The following EPM2A variants were observed in gnomAD, a reference collection of about 807,000 sequenced individuals.
EPM2A encodes EPM2A glucan phosphatase, laforin, also known as laforin.
A neutral mutation model predicts 26.5 loss-of-function variants in EPM2A; 21 were observed. The observed-to-expected ratio is 0.79, with a 90% CI of 0.56 to 1.14. EPM2A has a LOEUF of 1.14. Among genes scored for constraint, EPM2A ranks in the 50% most tolerant of loss-of-function variants. EPM2A has a pLI of 0.00. For missense variants in EPM2A, 458 were observed against 440.8 expected (o/e 1.04, Z -0.35); for synonymous variants, 217 against 177.6 (o/e 1.22, Z -1.76).
rs200812319 is a variant in EPM2A, at chr6:145,676,611, C to CA, written c.476+9510dup. On this transcript the variant is annotated intron_variant, in intron 2 of 3. Transcript: ENST00000367519. ...ATAAAGAAGATATCACCACCGATCCCAAAAAAATACAAACTACCATCAGAG... is the reference window on the plus strand; with the variant it reads ...ATAAAGAAGATATCACCACCGATCCCAAAAAAAATACAAACTACCATCAGAG... Among the ~76,000 whole-genome samples the CA allele has an allele frequency of 4.0e-3, 614 of 152,090 alleles. 16 individuals are homozygous for CA. In the East Asian group the frequency reaches 0.068, roughly 17 times the overall value.
intron 4 of EPM2A, among the ~76,000 whole-genome samples, chr6:145,393,164 T>C (rs1218114505): frequency 1.3e-5 from 2 of 152,122 alleles, no homozygotes; most frequent in Admixed American, 6.5e-5. Flanking sequence ...CTAAAAGGCC[T>C]CATGAATTGG....
At chr6:145,488,789 A>G (rs1779713005) in intron 4 of EPM2A, among the ~76,000 whole-genome samples, 3 of 152,090 alleles carry the variant, frequency 2.0e-5, no homozygotes, top group African/African-American at 7.2e-5. Context: ...TCTGGTAGTA[A>G]AATACTAGTG....
In EPM2A at chr6:145,509,985, A is replaced by G. The variant is rs147612413; in HGVS notation, c.341-7410T>C. On this transcript the variant is annotated intron_variant, in intron 2 of 3. Coordinates refer to the EPM2A transcript ENST00000450221. ...AAACCAAAAACAGTGAAAAAGGACAAAAAAGGGCATTACATAACAATAAAG... is the reference window on the plus strand; with the variant it reads ...AAACCAAAAACAGTGAAAAAGGACAGAAAAGGGCATTACATAACAATAAAG... Among the ~76,000 whole-genome samples, 215 of 152,268 alleles carry G rather than the reference A, an allele frequency of 1.4e-3. 1 individual carries two copies. The highest frequency in any genetic ancestry group is 4.8e-3 in the African/African-American group (201 of 41,564).
chr6:145,541,149 C>T (rs2114794311), intron 2 of EPM2A, among the ~76,000 whole-genome samples: 1 of 148,212 alleles, frequency 6.7e-6, no homozygotes, highest in South Asian at 2.2e-4. Flanking sequence ...CTAAAAATAA[C>T]TTTTTAACTA....
intron 2 of EPM2A, among the ~76,000 whole-genome samples, chr6:145,511,128 G>A (rs962001838): frequency 4.0e-5 from 6 of 151,792 alleles, no homozygotes; most frequent in Non-Finnish European, 7.4e-5. Flanking sequence ...AAAGGCCCTG[G>A]ACCAAAATCA....
At chr6:145,598,470 A>G (rs893954479) in intron 2 of EPM2A, among the ~76,000 whole-genome samples, 27 of 152,318 alleles carry the variant, frequency 1.8e-4, no homozygotes, top group African/African-American at 5.5e-4. Context: ...GATAATATCT[A>G]TAAGATAGTA....
At chr6:145,429,731 T>A (rs1167735426) in intron 4 of EPM2A, among the ~76,000 whole-genome samples, 2 of 152,356 alleles carry the variant, frequency 1.3e-5, no homozygotes, top group Admixed American at 6.5e-5. Context: ...TGACTTTTTT[T>A]AAAATTAGGA....
chr6:145,383,615 A>T lies in EPM2A; in HGVS notation c.*409T>A, dbSNP rs572390323. On this transcript the variant is annotated 3_prime_UTR_variant, in exon 5 of 5. Transcript: ENST00000638717. ...AAAATATTTATGAAGGATCCACCCCAATGATTCAATCACTTCCCAGCAGGC... is the reference window on the plus strand; with the variant it reads ...AAAATATTTATGAAGGATCCACCCCTATGATTCAATCACTTCCCAGCAGGC... 3 of 152,350 alleles carry T rather than the reference A, an allele frequency of 2.0e-5. No homozygotes were observed. In the South Asian group the frequency reaches 6.2e-4, roughly 32 times the overall value. 9.4% of individuals were successfully genotyped at this position (152,350 alleles called of 1,614,324 possible).
At chr6:145,669,402 T>A (rs963994765) in intron 2 of EPM2A, among the ~76,000 whole-genome samples, 1 of 152,036 alleles carries the variant, frequency 6.6e-6, no homozygotes, top group Non-Finnish European at 1.5e-5. Context: ...CACAAAAGAG[T>A]GGACTATGAT....
intron 4 of EPM2A, among the ~76,000 whole-genome samples, chr6:145,488,799 G>T (rs1779713274): frequency 6.6e-6 from 1 of 151,818 alleles, no homozygotes; most frequent in African/African-American, 2.4e-5. Flanking sequence ...AAATACTAGT[G>T]CAACTTTCAA....
At chr6:145,455,246 T>A (rs757784005) in intron 4 of EPM2A, among the ~76,000 whole-genome samples, 1 of 152,114 alleles carries the variant, frequency 6.6e-6, no homozygotes, top group Admixed American at 6.6e-5. Context: ...AATATATGTA[T>A]ATGAATTTAT....
chr6:145,403,618 G>A (rs1778526552), intron 4 of EPM2A, among the ~76,000 whole-genome samples: 1 of 152,024 alleles, frequency 6.6e-6, no homozygotes, highest in Admixed American at 6.6e-5. Flanking sequence ...ATGACTGAAT[G>A]GTACTTCACT....
intron 1 of EPM2A, among the ~76,000 whole-genome samples, chr6:145,725,330 T>G (rs566771394): frequency 1.3e-5 from 2 of 152,230 alleles, no homozygotes; most frequent in Non-Finnish European, 2.9e-5. Context: ...ACTCTCATTC[T>G]ATGCCAGTGG....
intron 4 of EPM2A, among the ~76,000 whole-genome samples, chr6:145,393,192 C>T (rs1003466057): frequency 1.3e-5 from 2 of 152,014 alleles, no homozygotes; most frequent in African/African-American, 4.8e-5. Flanking sequence ...GTTCAACTAC[C>T]TCTCAAAAAC....
At chr6:145,732,962 T>C (rs969794739) in intron 1 of EPM2A, among the ~76,000 whole-genome samples, 1 of 152,266 alleles carries the variant, frequency 6.6e-6, no homozygotes, top group Non-Finnish European at 1.5e-5. Flanking sequence ...CACTGGTTGG[T>C]GAGCCCAGGC....
chr6:145,483,231 T>A lies in EPM2A; in HGVS notation c.555+19291A>T, dbSNP rs1472841247. ...AAAAGTAGCTTTGACAAGCATTCAA[T>A]TAAATCTTCTGTAGCACATAAGCCA... On this transcript the variant is annotated intron_variant, in intron 4 of 4. Coordinates refer to the EPM2A transcript ENST00000638717. Among the ~76,000 whole-genome samples, 3 of 152,110 alleles carry A rather than the reference T, an allele frequency of 2.0e-5. No homozygotes were observed. In the South Asian group the frequency reaches 6.2e-4, roughly 32 times the overall value.
chr6:145,645,144 C>T (rs1441622526), intron 2 of EPM2A, among the ~76,000 whole-genome samples: 2 of 152,162 alleles, frequency 1.3e-5, no homozygotes, highest in African/African-American at 4.8e-5. Context: ...TATTTAAGAT[C>T]ATCTCTTCTA....
At chr6:145,718,140 A>G (rs1017141708) in intron 1 of EPM2A, among the ~76,000 whole-genome samples, 1 of 152,098 alleles carries the variant, frequency 6.6e-6, no homozygotes, top group African/African-American at 2.4e-5. Flanking sequence ...TATGGAACCA[A>G]AAAAGAGCCT....
chr6:145,566,289 T>C (rs372904), intron 2 of EPM2A, among the ~76,000 whole-genome samples: 68,464 of 152,108 alleles, frequency 0.45, 16,163 homozygotes, highest in African/African-American at 0.57. Flanking sequence ...CTAAGCCTCT[T>C]CTATCATTAA....
Sources: allele counts gnomAD v4.1 joint callset (sites outside exome capture counted in the v4.1 genomes callset), GRCh38; gene constraint gnomAD v4.1.1; transcripts MANE v1.5; gene names NCBI Gene and HGNC (gene_info 2026-07-23, HGNC 2026-07-21).